The following SPMIP2 variants were observed in gnomAD, a reference collection of about 807,000 sequenced individuals.
SPMIP2 encodes sperm microtubule inner protein 2.
chr4:159,057,839 A>G, the SPMIP2 span, among the ~76,000 whole-genome samples: 3 of 152,184 alleles, frequency 2.0e-5, no homozygotes, highest in East Asian at 5.8e-4. Flanking sequence ...AGGAGAGTAA[A>G]GTAGAAAATG....
the SPMIP2 span, among the ~76,000 whole-genome samples, chr4:158,896,036 C>T: frequency 1.3e-5 from 2 of 152,100 alleles, no homozygotes; most frequent in East Asian, 1.9e-4. Flanking sequence ...CAGCATGTTC[C>T]GTTATCTGAT....
chr4:159,020,302 A>G, the SPMIP2 span, among the ~76,000 whole-genome samples: 2 of 152,182 alleles, frequency 1.3e-5, no homozygotes, highest in Admixed American at 1.3e-4. Flanking sequence ...GATGGTGAGT[A>G]GAACAGAGGG....
At chr4:159,041,968 A>T in the SPMIP2 span, among the ~76,000 whole-genome samples, 1 of 152,210 alleles carries the variant, frequency 6.6e-6, no homozygotes, top group South Asian at 2.1e-4. Flanking sequence ...AAATCTGGCT[A>T]ATTATTTTGG....
At chr4:158,902,834 CCCAA>C in the SPMIP2 span, among the ~76,000 whole-genome samples, 1 of 152,182 alleles carries the variant, frequency 6.6e-6, no homozygotes, top group Non-Finnish European at 1.5e-5. Flanking sequence ...ATGCCCCTCC[CCCAA>C]CCAACCTCAA....
the SPMIP2 span, among the ~76,000 whole-genome samples, chr4:158,966,610 C>T: frequency 6.6e-6 from 1 of 152,126 alleles, no homozygotes; most frequent in African/African-American, 2.4e-5. Flanking sequence ...AAATCTGTGA[C>T]ATATCCTTAA....
At chr4:158,973,128 T>C in the SPMIP2 span, 4 of 1,610,708 alleles carry the variant, frequency 2.5e-6, no homozygotes, top group Admixed American at 1.7e-5. Flanking sequence ...AAAATTATAC[T>C]GTGGTATTCT....
At chr4:158,932,242 G>A in the SPMIP2 span, among the ~76,000 whole-genome samples, 1 of 152,110 alleles carries the variant, frequency 6.6e-6, no homozygotes, top group Admixed American at 6.5e-5. Flanking sequence ...AAGCCGGGTG[G>A]ATCACTTGAG....
the SPMIP2 span, among the ~76,000 whole-genome samples, chr4:159,003,713 A>C: frequency 6.6e-6 from 1 of 152,352 alleles, no homozygotes; most frequent in South Asian, 2.1e-4. Flanking sequence ...TTTTTCTTCC[A>C]CAAAAGAGAG....
chr4:158,896,390 A>G, the SPMIP2 span, among the ~76,000 whole-genome samples: 3 of 152,144 alleles, frequency 2.0e-5, no homozygotes, highest in Non-Finnish European at 2.9e-5. Flanking sequence ...AAAAATGCCT[A>G]TCATCCTCCA....
At chr4:159,016,150 C>T in the SPMIP2 span, among the ~76,000 whole-genome samples, 3 of 151,952 alleles carry the variant, frequency 2.0e-5, no homozygotes, top group South Asian at 4.1e-4. Flanking sequence ...TTGTGAAACA[C>T]GGGGATGGGA....
chr4:159,081,902 G>A, the SPMIP2 span, among the ~76,000 whole-genome samples: 2 of 151,974 alleles, frequency 1.3e-5, no homozygotes, highest in Admixed American at 6.6e-5. Context: ...GTCAAGGAGG[G>A]CCTGGAATTC....
the SPMIP2 span, among the ~76,000 whole-genome samples, chr4:158,954,278 A>G: frequency 6.6e-6 from 1 of 152,292 alleles, no homozygotes; most frequent in Non-Finnish European, 1.5e-5. Context: ...TAAGTCTTAC[A>G]AGATCTGATG....
chr4:158,905,709 A>C, the SPMIP2 span: 57 of 151,512 alleles, frequency 3.8e-4, no homozygotes, highest in Middle Eastern at 3.4e-3. Context: ...AAAAAAAAAA[A>C]ACAACCTAAT....
At chr4:158,934,112 T>A in the SPMIP2 span, among the ~76,000 whole-genome samples, 28 of 152,298 alleles carry the variant, frequency 1.8e-4, no homozygotes, top group African/African-American at 6.5e-4. Context: ...GCAGAAAAGC[T>A]AGGACTTGAA....
the SPMIP2 span, among the ~76,000 whole-genome samples, chr4:159,054,172 A>C: frequency 1.3e-5 from 2 of 152,068 alleles, no homozygotes; most frequent in Admixed American, 6.5e-5. Context: ...TTGTAGAGAC[A>C]GGGTCTCACT....
the SPMIP2 span, chr4:158,904,369 G>T: frequency 9.3e-7 from 1 of 1,076,090 alleles, no homozygotes; most frequent in South Asian, 1.3e-5. Flanking sequence ...ATCAAACTTA[G>T]TACCTAGAAA....
chr4:158,991,818 T>C, the SPMIP2 span, among the ~76,000 whole-genome samples: 7 of 151,282 alleles, frequency 4.6e-5, no homozygotes, highest in Admixed American at 4.0e-4. Flanking sequence ...AAGAACTGTA[T>C]TAGTCTTTTT....
At chr4:159,076,795 G>A in the SPMIP2 span, among the ~76,000 whole-genome samples, 2 of 151,560 alleles carry the variant, frequency 1.3e-5, no homozygotes, top group African/African-American at 2.4e-5. Flanking sequence ...AGCCTCCAGA[G>A]TCGCTGGGAT....
the SPMIP2 span, chr4:159,007,897 G>A: frequency 2.1e-6 from 1 of 465,632 alleles, no homozygotes; most frequent in Admixed American, 2.5e-5. Context: ...AAAGAATATG[G>A]TAATTACATA....
Sources: gnomAD v4.1 joint callset for allele counts (sites outside exome capture counted in the v4.1 genomes callset) on GRCh38, gnomAD v4.1.1 for gene constraint, MANE v1.5 for transcripts, NCBI Gene and HGNC (gene_info 2026-07-23, HGNC 2026-07-21) for gene names.